Variants in METTL15 observed in about 807,000 individuals in gnomAD.
METTL15 encodes the protein 12S rRNA N(4)-cytidine methyltransferase METTL15.
A neutral mutation model predicts 38.3 loss-of-function variants in METTL15; 34 were observed. The ratio of observed to expected loss-of-function variants is 0.89; its 90% CI spans 0.68 to 1.18. METTL15 has a LOEUF of 1.18. Among genes scored for constraint, METTL15 ranks in the 50% most tolerant of loss-of-function variants. The pLI, the probability that METTL15 is intolerant of heterozygous loss-of-function variation, is 0.00. For synonymous variants in METTL15, 162 were observed against 170.9 expected (o/e 0.95, Z 0.41); for missense variants, 438 against 498.4 (o/e 0.88, Z 1.15).
chr11:28,185,910 C>A (rs546846038), intron 3 of METTL15, among the ~76,000 whole-genome samples: 1 of 148,898 alleles, frequency 6.7e-6, no homozygotes, highest in Non-Finnish European at 1.5e-5. Context: ...AATATACACA[C>A]GTATCTAATA....
intron 6 of METTL15, among the ~76,000 whole-genome samples, chr11:28,454,558 G>T (rs1851151786): frequency 6.6e-6 from 1 of 152,096 alleles, no homozygotes; most frequent in Non-Finnish European, 1.5e-5. Context: ...AGAAATTTAA[G>T]CCATCCTAAG....
chr11:28,215,239 C>T (rs970443512), intron 4 of METTL15, among the ~76,000 whole-genome samples: 4 of 152,028 alleles, frequency 2.6e-5, no homozygotes, highest in African/African-American at 9.7e-5. Context: ...TCTTTATGGC[C>T]ATTTATTCTA....
chr11:28,140,689 A>G (rs1849667829), intron 3 of METTL15, among the ~76,000 whole-genome samples: 1 of 152,140 alleles, frequency 6.6e-6, no homozygotes, highest in Non-Finnish European at 1.5e-5. Context: ...GTGAAAAGGA[A>G]AGCTCTCAGC....
chr11:28,232,838 G>A (rs1310008001), intron 4 of METTL15, among the ~76,000 whole-genome samples: 1 of 151,956 alleles, frequency 6.6e-6, no homozygotes, highest in Non-Finnish European at 1.5e-5. Context: ...CTACTCCCAT[G>A]TTATAGGCAT....
intron 5 of METTL15, among the ~76,000 whole-genome samples, chr11:28,420,374 A>G (rs1214978830): frequency 2.6e-5 from 4 of 152,190 alleles, no homozygotes; most frequent in African/African-American, 9.6e-5. Flanking sequence ...AAATGATCTA[A>G]TAGTTATTTA....
At chr11:28,226,875 A>G (rs1853500541) in intron 4 of METTL15, among the ~76,000 whole-genome samples, 1 of 151,968 alleles carries the variant, frequency 6.6e-6, no homozygotes, top group Admixed American at 6.6e-5. Flanking sequence ...CAGTTCTGTC[A>G]TACACTGTCA....
Position 28,272,016 on chromosome 11 carries a change from A to G in METTL15, c.408-18190A>G, listed in dbSNP as rs547700220. Among the ~76,000 whole-genome samples the G allele has an allele frequency of 1.0e-3, 153 of 152,336 alleles. 2 individuals are homozygous for G. The highest frequency in any genetic ancestry group is 3.6e-3 in the African/African-American group (151 of 41,578). On this transcript the variant is annotated intron_variant, in intron 4 of 6. Transcript: ENST00000407364. ...AGAAATGCAAATCAAAACCACAATG[A>G]GATACCATTTCACGCCAGTTAGAAT...
intron 4 of METTL15, among the ~76,000 whole-genome samples, chr11:28,256,642 A>G (rs1590224515): frequency 6.6e-6 from 1 of 152,080 alleles, no homozygotes; most frequent in East Asian, 1.9e-4. Flanking sequence ...TAACTTTTCA[A>G]AAAACCAACT....
intron 6 of METTL15, among the ~76,000 whole-genome samples, chr11:28,438,666 T>G (rs992873438): frequency 6.7e-6 from 1 of 149,948 alleles, no homozygotes; most frequent in African/African-American, 2.5e-5. Flanking sequence ...TTCTTTTTTC[T>G]TTTTTCTTTT....
At chr11:28,350,795 C>A (rs1168703789) in intron 3 of METTL15, among the ~76,000 whole-genome samples, 1 of 152,212 alleles carries the variant, frequency 6.6e-6, no homozygotes, top group Admixed American at 6.5e-5. Context: ...TCCCTAAGAG[C>A]TTCTGCTATA....
chr11:28,242,561 CTTTATTCTGAG>C (rs1854345152), intron 4 of METTL15, among the ~76,000 whole-genome samples: 1 of 152,018 alleles, frequency 6.6e-6, no homozygotes. Flanking sequence ...TGGTAGTTTC[CTTTATTCTGAG>C]TTTATTATAT....
At chr11:28,358,157 A>C (rs976445801) in intron 4 of METTL15, among the ~76,000 whole-genome samples, 1 of 152,152 alleles carries the variant, frequency 6.6e-6, no homozygotes, top group African/African-American at 2.4e-5. Flanking sequence ...ACAGACATAG[A>C]GACCTCAATT....
chr11:28,395,681 G>T (rs1211345497), intron 5 of METTL15, among the ~76,000 whole-genome samples: 1 of 152,128 alleles, frequency 6.6e-6, no homozygotes, highest in Non-Finnish European at 1.5e-5. Flanking sequence ...AGAGGAGCTG[G>T]TACCATTCCT....
chr11:28,278,390 T>C (rs1166330466), intron 4 of METTL15, among the ~76,000 whole-genome samples: 1 of 152,220 alleles, frequency 6.6e-6, no homozygotes, highest in Non-Finnish European at 1.5e-5. Context: ...AAAAATTCTT[T>C]CTTATTCATT....
At chr11:28,369,948 A>G (rs1459632483) in intron 5 of METTL15, among the ~76,000 whole-genome samples, 2 of 152,154 alleles carry the variant, frequency 1.3e-5, no homozygotes, top group Non-Finnish European at 2.9e-5. Context: ...TCTCATTAAT[A>G]CTTAATGGGT....
intron 5 of METTL15, among the ~76,000 whole-genome samples, chr11:28,409,034 A>G (rs990577495): frequency 1.3e-5 from 2 of 152,142 alleles, no homozygotes; most frequent in Admixed American, 1.3e-4. Flanking sequence ...GTACATATGG[A>G]ACATTCTCCA....
At chr11:28,413,109 A>C (rs1850742922) in intron 5 of METTL15, among the ~76,000 whole-genome samples, 1 of 152,110 alleles carries the variant, frequency 6.6e-6, no homozygotes. Flanking sequence ...AGACAAAAAA[A>C]TACTACTAAA....
At chr11:28,216,615 G>C (rs1294010210) in intron 4 of METTL15, among the ~76,000 whole-genome samples, 5 of 151,916 alleles carry the variant, frequency 3.3e-5, no homozygotes, top group African/African-American at 1.2e-4. Context: ...ACAACATGCA[G>C]ATTTATTACA....
At chr11:28,201,545 G>A (rs1260601671) in intron 3 of METTL15, among the ~76,000 whole-genome samples, 1 of 151,090 alleles carries the variant, frequency 6.6e-6, no homozygotes, top group Non-Finnish European at 1.5e-5. Context: ...ATTAATTACT[G>A]CCTCAATTTC....
Sources: allele counts gnomAD v4.1 joint callset (sites outside exome capture counted in the v4.1 genomes callset), GRCh38; gene constraint gnomAD v4.1.1; transcripts MANE v1.5; gene names NCBI Gene and HGNC (gene_info 2026-07-23, HGNC 2026-07-21).